The following SEC23IP variants were observed in gnomAD, a reference collection of about 807,000 sequenced individuals.
SEC23IP encodes SEC23 interacting protein.
SEC23IP carries 70 observed loss-of-function variants against 113.4 expected under a neutral mutation model. The ratio of observed to expected loss-of-function variants is 0.62; its 90% CI spans 0.51 to 0.75. SEC23IP has a LOEUF of 0.75. Among genes scored for constraint, SEC23IP ranks in the 30% least tolerant of loss-of-function variants. The pLI, the probability that SEC23IP is intolerant of heterozygous loss-of-function variation, is 0.00. For missense variants in SEC23IP, 1,160 were observed against 1,204.9 expected (o/e 0.96, Z 0.55); for synonymous variants, 398 against 421.0 (o/e 0.95, Z 0.67).
At chr10:119,928,742 T>C (rs994046131) in intron 13 of SEC23IP, among the ~76,000 whole-genome samples, 4 of 152,264 alleles carry the variant, frequency 2.6e-5, no homozygotes, top group Non-Finnish European at 4.4e-5. Context: ...AATTGTACAG[T>C]GCTATTCAGA....
At chr10:119,900,865 G>T (rs983054864) in intron 2 of SEC23IP, among the ~76,000 whole-genome samples, 1 of 151,954 alleles carries the variant, frequency 6.6e-6, no homozygotes, top group Non-Finnish European at 1.5e-5. Flanking sequence ...AATAAAAAAT[G>T]TCCATAGATA....
chr10:119,908,966 C>A, intron 4 of SEC23IP, 75 bp from the exon 5 acceptor site: 1 of 944,866 alleles, frequency 1.1e-6, no homozygotes, highest in South Asian at 1.5e-5. Context: ...TTATAGTGAC[C>A]GTTTTCCTCC....
At chr10:119,898,266 T>A in intron 1 of SEC23IP, 161 bp from the exon 2 acceptor site, 1 of 1,250,060 alleles carries the variant, frequency 8.0e-7, no homozygotes, top group Non-Finnish European at 1.0e-6. Flanking sequence ...AAGAAGCAAG[T>A]TTTCAAAGAA....
At chr10:119,897,044 A>G (rs765310517) in intron 1 of SEC23IP, among the ~76,000 whole-genome samples, 7 of 152,222 alleles carry the variant, frequency 4.6e-5, no homozygotes, top group Non-Finnish European at 7.3e-5. Context: ...CTCAAGCCCT[A>G]GTCTCAGCAG....
rs756956866 is a variant in SEC23IP, at chr10:119,902,805, T to G, written c.703T>G (p.Ser235Ala). ...ACTTTGCCGTCCCCTCCAGGTTCCT[T>G]CTTCAGTGCAGTCACCGGCACAGCA... ...MPPGSLPPVP[S>A]SVQSPAQQQV... The change falls in exon 3 of 19, where the codon TCT becomes GCT. Residue 235 changes from serine (S) to alanine (A), a missense_variant. Coordinates refer to ENST00000369075, the MANE Select transcript of SEC23IP (RefSeq NM_007190.4). 2 of 1,613,720 alleles carry G rather than the reference T, an allele frequency of 1.2e-6. No individual in the cohort carries two copies. The highest frequency in any genetic ancestry group is 4.5e-5 in the East Asian group (2 of 44,884).
rs1341970577 is a variant in SEC23IP at position 119,909,063 on chromosome 10, C to G, written c.1124C>G (p.Thr375Ser). 6.2e-7 allele frequency: 1 copy of G among 1,612,124 alleles called. No individual in the cohort carries two copies. Among genetic ancestry groups the G allele is most frequent in the East Asian group, 2.2e-5 (1 of 44,798 alleles). The change falls in exon 5 of 19, where the codon ACC (threonine) becomes AGC (serine). Residue 375 changes from threonine to serine, a missense_variant. Physicochemically the swap from Thr to Ser is moderately conservative, Grantham distance 58 (BLOSUM62 1). Transcript: ENST00000369075. Reference sequence around the variant, plus strand: ...TAGGCTGAATATAAAAAAGCTGTAACCACTAATCAGTGGCACCGAAGATTA... The same window carrying G: ...TAGGCTGAATATAAAAAAGCTGTAAGCACTAATCAGTGGCACCGAAGATTA... The part of the protein sequence containing the change: ...KLEAEYKKAV[T>S]TNQWHRRLEF...
chr10:119,893,082 T>G, intron 1 of SEC23IP, 137 bp downstream of exon 1: 2 of 930,136 alleles, frequency 2.2e-6, no homozygotes, highest in South Asian at 1.8e-5. Context: ...TGGCCAGGTT[T>G]GAGTGGGTCG....
Position 119,911,854 on chromosome 10 carries a change from C to T in SEC23IP, c.1192-190C>T, listed in dbSNP as rs115613122. On this transcript the variant is annotated intron_variant, in intron 5 of 18. Coordinates refer to ENST00000369075, the MANE Select transcript of SEC23IP (RefSeq NM_007190.4). ...TTCAACATAAGCATTGGAAAGGTAT[C>T]GATTTGCTTAATTTTGGTGGTTAAT... is the stretch of plus-strand genomic sequence containing the variant. Among the ~76,000 whole-genome samples the T allele has an allele frequency of 8.4e-3, 1,284 of 152,218 alleles. 11 individuals are homozygous for T. The highest frequency in any genetic ancestry group is 0.024 in the African/African-American group (1,011 of 41,522).
At chr10:119,914,628 T>C (rs1854985311) in intron 6 of SEC23IP, 102 bp from the exon 7 acceptor site, 3 of 888,784 alleles carry the variant, frequency 3.4e-6, no homozygotes, top group African/African-American at 1.7e-5. Context: ...TGAATTTCTT[T>C]GGCAAGTTTG....
intron 7 of SEC23IP, among the ~76,000 whole-genome samples, chr10:119,915,181 T>G (rs1855008591): frequency 6.6e-6 from 1 of 152,218 alleles, no homozygotes; most frequent in Non-Finnish European, 1.5e-5. Flanking sequence ...TTGACTTAAA[T>G]TTTTGAAGTT....
At chr10:119,916,339 C>T (rs1041021841) in intron 8 of SEC23IP, among the ~76,000 whole-genome samples, 2 of 152,150 alleles carry the variant, frequency 1.3e-5, no homozygotes, top group African/African-American at 4.8e-5. Flanking sequence ...CAGTGCAGAC[C>T]ACTTAACTTC....
At chr10:119,893,809 C>G (rs536203333) in intron 1 of SEC23IP, among the ~76,000 whole-genome samples, 1 of 152,252 alleles carries the variant, frequency 6.6e-6, no homozygotes, top group Admixed American at 6.5e-5. Flanking sequence ...TTTAACCCCC[C>G]ACCCATTCCT....
chr10:119,937,632 A>G lies in SEC23IP; in HGVS notation c.*21-2954A>G. On this transcript the variant is annotated intron_variant, in intron 18 of 18. Transcript: ENST00000369075. ...CAGAGCGAGACTCCGTCTAAAAAAA[A>G]AAAACAAAAAAACAAAAAACATAGC... Among the ~76,000 whole-genome samples, 2 of 151,994 alleles carry G rather than the reference A, an allele frequency of 1.3e-5. 1 individual carries two copies.
At chr10:119,940,065 A>G (rs1042994545) in intron 18 of SEC23IP, among the ~76,000 whole-genome samples, 2 of 152,090 alleles carry the variant, frequency 1.3e-5, no homozygotes, top group Admixed American at 6.6e-5. Flanking sequence ...ATGCTGGTTA[A>G]TCTTACTGAG....
rs1411097056 is a variant in SEC23IP, at chr10:119,942,810, T to G, written c.*2245T>G. 1.3e-5 allele frequency: 2 copies of G among 152,160 alleles called. No homozygotes were observed. The highest frequency in any genetic ancestry group is 3.8e-4 in the East Asian group (2 of 5,200). 9.4% of individuals were successfully genotyped at this position (152,160 alleles called of 1,614,324 possible). A position where few individuals can be genotyped will look rare whatever the true frequency, so the allele number is the denominator to read the frequency against. On this transcript the variant is annotated 3_prime_UTR_variant, in exon 19 of 19. Transcript: ENST00000369075. ...TCTAAGTCTGCTGGACACGCGTGCT[T>G]CTTGAATCCAACCAGACAAGCATGT...
intron 12 of SEC23IP, among the ~76,000 whole-genome samples, chr10:119,925,480 C>CA (rs1855390009): frequency 2.0e-5 from 3 of 152,260 alleles, no homozygotes; most frequent in African/African-American, 7.2e-5. Flanking sequence ...CTATAGACAT[C>CA]ATGACATTTG....
chr10:119,922,993 A>C (rs1390369337), intron 12 of SEC23IP, among the ~76,000 whole-genome samples: 1 of 99,266 alleles, frequency 1.0e-5, no homozygotes, highest in Non-Finnish European at 2.0e-5. Flanking sequence ...TCAGTGAAGC[A>C]AAAGCCTATA....
intron 2 of SEC23IP, among the ~76,000 whole-genome samples, chr10:119,901,377 C>G (rs991275416): frequency 6.6e-6 from 1 of 151,950 alleles, no homozygotes; most frequent in African/African-American, 2.4e-5. Flanking sequence ...GGATATAAGA[C>G]ATTTTTAATG....
In SEC23IP at chr10:119,929,636, T is replaced by C. The variant is rs769055180; in HGVS notation, c.2343T>C (p.Phe781=). 4.3e-6 allele frequency: 7 copies of C among 1,610,860 alleles called. No homozygotes were observed. Among genetic ancestry groups the C allele is most frequent in the Non-Finnish European group, 8.5e-7 (1 of 1,177,140 alleles). Residue 781 remains phenylalanine, a synonymous_variant, in exon 14 of 19, where the codon TTT becomes TTC. Transcript: ENST00000369075. The part of the protein sequence containing the change: ...QVSVAYNSLD[F]EPEIFFALGS... ...CTGTTGCTTACAACTCATTAGATTTTGAACCAGAGATATTCTTTGCCTTGG... is the reference window on the plus strand; with the variant it reads ...CTGTTGCTTACAACTCATTAGATTTCGAACCAGAGATATTCTTTGCCTTGG...
Sources: gnomAD v4.1 joint callset for allele counts (sites outside exome capture counted in the v4.1 genomes callset) on GRCh38, gnomAD v4.1.1 for gene constraint, MANE v1.5 for transcripts, NCBI Gene and HGNC (gene_info 2026-07-23, HGNC 2026-07-21) for gene names.